The following GNG7 variants were observed in gnomAD, a reference collection of about 807,000 sequenced individuals.
GNG7 encodes the protein G protein subunit gamma 7.
In GNG7, 1 loss-of-function variant was observed where a neutral mutation model predicts 4.0. The observed-to-expected ratio is 0.25, with a 90% CI of 0.09 to 1.18. The LOEUF is 1.18. Ranked by LOEUF, GNG7 falls within the 50% of genes most tolerant of loss-of-function variation. The probability of loss-of-function intolerance (pLI) is 0.50; values close to 1 mark genes in which losing one functional copy is unlikely to be tolerated. For synonymous variants in GNG7, 34 were observed against 36.9 expected (o/e 0.92, Z 0.29); for missense variants, 86 against 91.9 (o/e 0.94, Z 0.26).
At chr19:2,548,091 T>C (rs1208659503) in intron 3 of GNG7, among the ~76,000 whole-genome samples, 3 of 151,910 alleles carry the variant, frequency 2.0e-5, no homozygotes, top group Non-Finnish European at 4.4e-5. Context: ...CTGGTGTTGT[T>C]AGAAAGTCCC....
intron 3 of GNG7, among the ~76,000 whole-genome samples, chr19:2,524,650 A>C (rs1051422547): frequency 6.6e-6 from 1 of 152,160 alleles, no homozygotes; most frequent in Non-Finnish European, 1.5e-5. Flanking sequence ...GTACACATCT[A>C]CGTGTGTGCG....
intron 1 of GNG7, among the ~76,000 whole-genome samples, chr19:2,650,774 C>G (rs569100702): frequency 6.6e-6 from 1 of 152,360 alleles, no homozygotes; most frequent in South Asian, 2.1e-4. Context: ...CTCAGCCTGA[C>G]AGAAACGCTG....
intron 4 of GNG7, among the ~76,000 whole-genome samples, chr19:2,518,058 C>A (rs537085927): frequency 6.6e-6 from 1 of 152,326 alleles, no homozygotes; most frequent in East Asian, 1.9e-4. Flanking sequence ...CCTCCAGACC[C>A]CGAAAATAGC....
chr19:2,616,221 C>A (rs1008200185), intron 2 of GNG7, among the ~76,000 whole-genome samples: 8 of 152,076 alleles, frequency 5.3e-5, no homozygotes, highest in African/African-American at 1.9e-4. Context: ...CCAGCCTGGG[C>A]AAAATAGTGA....
At chr19:2,660,595 C>G (rs1392345076) in intron 1 of GNG7, among the ~76,000 whole-genome samples, 2 of 130,776 alleles carry the variant, frequency 1.5e-5, no homozygotes, top group Non-Finnish European at 3.2e-5. Flanking sequence ...TAGTGAGACA[C>G]CCCCACCACC....
chr19:2,595,023 G>C (rs1336387448), intron 2 of GNG7: 1 of 152,066 alleles, frequency 6.6e-6, no homozygotes, highest in African/African-American at 2.4e-5. Context: ...GAAAGGATGA[G>C]GTGGGAGGAT....
chr19:2,596,334 G>T (rs1015018264), intron 2 of GNG7, among the ~76,000 whole-genome samples: 2 of 151,156 alleles, frequency 1.3e-5, no homozygotes, highest in African/African-American at 4.9e-5. Context: ...ACTGCAGCCT[G>T]GGCGACAGAG....
At chr19:2,568,664 T>C (rs1021195931) in intron 2 of GNG7, among the ~76,000 whole-genome samples, 1 of 142,566 alleles carries the variant, frequency 7.0e-6, no homozygotes, top group African/African-American at 2.6e-5. Flanking sequence ...CATATACACA[T>C]ACACATACAC....
rs557926048 is a variant in GNG7 at position 2,694,993 on chromosome 19, G to A, written c.-135+7653C>T. On this transcript the variant is annotated intron_variant, in intron 1 of 4. Transcript: ENST00000382159. The stretch of plus-strand genomic sequence containing the variant: ...GTTCGAGACCAGCCTAGGCAATACA[G>A]GGGGACCTCCACGTTTACAAAAAAA... Among the ~76,000 whole-genome samples, 41 of 152,148 alleles carry A rather than the reference G, an allele frequency of 2.7e-4. 1 individual carries two copies. The highest frequency in any genetic ancestry group is 8.0e-4 in the African/African-American group (33 of 41,458).
rs1168408229 is a variant in GNG7, at chr19:2,585,056, GA to G, written c.-77-29869del. ...GGACGGAGGGAGGGAGGGAAGGAAG[GA>G]AGGAAGGAGGGAGGGAGGGATGGAG... On this transcript the variant is annotated intron_variant, in intron 2 of 4. Transcript: ENST00000382159. Among the ~76,000 whole-genome samples the G allele has an allele frequency of 1.6e-4, 21 of 129,022 alleles. No individual in the cohort carries two copies. The South Asian group carries it at 3.7e-3, about 23-fold the overall frequency. The allele number at this position is 129,022 out of a possible 152,430, so 84.6% of individuals were successfully genotyped here. A position where few individuals can be genotyped will look rare whatever the true frequency, so the allele number is the denominator to read the frequency against.
intron 2 of GNG7, among the ~76,000 whole-genome samples, chr19:2,621,770 C>T (rs2144833155): frequency 6.6e-6 from 1 of 152,192 alleles, no homozygotes; most frequent in South Asian, 2.1e-4. Context: ...GAAGCAGAGA[C>T]TGGAGCAATT....
intron 1 of GNG7, among the ~76,000 whole-genome samples, chr19:2,666,229 G>A (rs1220385767): frequency 6.6e-6 from 1 of 151,988 alleles, no homozygotes; most frequent in East Asian, 1.9e-4. Context: ...CTGGAGTGCA[G>A]TGGCACGATC....
intron 3 of GNG7, among the ~76,000 whole-genome samples, chr19:2,535,173 T>G (rs1356627669): frequency 6.6e-6 from 1 of 152,112 alleles, no homozygotes. Flanking sequence ...GTATGCCTAC[T>G]GGACTGTCAG....
At chr19:2,571,588 C>CTTTTTTTTTTTTTTTTTTTTTTT (rs779497111) in intron 2 of GNG7, among the ~76,000 whole-genome samples, 1 of 68,022 alleles carries the variant, frequency 1.5e-5, no homozygotes, top group Non-Finnish European at 2.6e-5. Flanking sequence ...CATTTCTTTC[C>CTTTTTTTTTTTTTTTTTTTTTTT]TTTTTTTTTT....
At chr19:2,568,311 A>ACATACG (rs1980002495) in intron 2 of GNG7, among the ~76,000 whole-genome samples, 1 of 151,330 alleles carries the variant, frequency 6.6e-6, no homozygotes, top group Non-Finnish European at 1.5e-5. Context: ...ACACACATAC[A>ACATACG]CACGCACACA....
intron 2 of GNG7, among the ~76,000 whole-genome samples, chr19:2,559,532 C>T (rs1267424622): frequency 6.7e-6 from 1 of 150,218 alleles, no homozygotes; most frequent in Non-Finnish European, 1.5e-5. Flanking sequence ...TTTTTTCTCT[C>T]AAGATGGAGT....
intron 3 of GNG7, among the ~76,000 whole-genome samples, chr19:2,550,867 C>T (rs1021108263): frequency 5.3e-5 from 8 of 152,174 alleles, no homozygotes; most frequent in South Asian, 4.1e-4. Flanking sequence ...TCTGCTGAGT[C>T]GCTGAGTAGG....
intron 1 of GNG7, among the ~76,000 whole-genome samples, chr19:2,661,308 G>GAAAGAA (rs1568277830): frequency 1.9e-4 from 25 of 129,380 alleles, no homozygotes; most frequent in Middle Eastern, 4.1e-3. Flanking sequence ...GAAAGAGAAA[G>GAAAGAA]AAAGAAAGAA....
intron 1 of GNG7, among the ~76,000 whole-genome samples, chr19:2,689,206 AAG>A (rs202188593): frequency 0.045 from 6,413 of 143,096 alleles, 459 homozygotes; most frequent in African/African-American, 0.15. Context: ...TGCAAAAAAA[AAG>A]GGGGAAAAAA....
Sources: allele counts gnomAD v4.1 joint callset (sites outside exome capture counted in the v4.1 genomes callset), GRCh38; gene constraint gnomAD v4.1.1; transcripts MANE v1.5; gene names NCBI Gene and HGNC (gene_info 2026-07-23, HGNC 2026-07-21).